Variants in ASIC2 observed in about 807,000 individuals in gnomAD.
ASIC2 encodes acid-sensing ion channel 2.
ASIC2 carries 25 observed loss-of-function variants against 57.3 expected under a neutral mutation model. The observed-to-expected ratio is 0.44, with a 90% CI of 0.32 to 0.61. ASIC2 has a LOEUF of 0.61. Ranked by LOEUF, ASIC2 falls within the 20% of genes least tolerant of loss-of-function variation. The pLI is 0.06. For missense variants in ASIC2, 641 were observed against 738.1 expected (o/e 0.87, Z 1.52); for synonymous variants, 319 against 307.5 (o/e 1.04, Z -0.39).
At chr17:33,253,084 A>G (rs1253287734) in intron 1 of ASIC2, among the ~76,000 whole-genome samples, 2 of 152,202 alleles carry the variant, frequency 1.3e-5, no homozygotes, top group Non-Finnish European at 2.9e-5. Context: ...GCTAGGTATC[A>G]TCTCAGTCAG....
intron 1 of ASIC2, among the ~76,000 whole-genome samples, chr17:34,078,465 G>A (rs985373364): frequency 3.9e-5 from 6 of 152,224 alleles, no homozygotes; most frequent in Admixed American, 1.3e-4. Flanking sequence ...CCAACCCACC[G>A]CAGAGGCACT....
At chr17:34,131,443 T>A (rs1231995092) in intron 1 of ASIC2, among the ~76,000 whole-genome samples, 1 of 152,182 alleles carries the variant, frequency 6.6e-6, no homozygotes, top group African/African-American at 2.4e-5. Context: ...GATAGCTCCC[T>A]TCCTTTGGCC....
At chr17:33,532,473 C>T (rs1158935766) in intron 1 of ASIC2, among the ~76,000 whole-genome samples, 1 of 152,220 alleles carries the variant, frequency 6.6e-6, no homozygotes, top group Non-Finnish European at 1.5e-5. Flanking sequence ...CTATGATGGG[C>T]CACTAGAAGA....
intron 1 of ASIC2, among the ~76,000 whole-genome samples, chr17:33,413,232 T>G (rs1910725607): frequency 1.3e-5 from 2 of 152,232 alleles, no homozygotes; most frequent in South Asian, 4.1e-4. Context: ...ATCCGAGACT[T>G]GAAAGCCTCA....
intron 1 of ASIC2, among the ~76,000 whole-genome samples, chr17:34,021,827 G>GTTT (rs1567790840): frequency 7.9e-6 from 1 of 127,324 alleles, no homozygotes; most frequent in African/African-American, 3.8e-5. Context: ...TTGGTTTTGT[G>GTTT]TTTTGTTTTG....
intron 1 of ASIC2, among the ~76,000 whole-genome samples, chr17:33,142,615 G>A (rs533863716): frequency 6.6e-6 from 1 of 152,146 alleles, no homozygotes; most frequent in African/African-American, 2.4e-5. Flanking sequence ...CTGGTATGGG[G>A]CTCTGGGGCA....
intron 1 of ASIC2, among the ~76,000 whole-genome samples, chr17:33,325,358 C>A (rs1013640854): frequency 6.6e-6 from 1 of 152,082 alleles, no homozygotes; most frequent in Admixed American, 6.6e-5. Flanking sequence ...AAAGATGGTA[C>A]CTGCAGGCTG....
intron 1 of ASIC2, among the ~76,000 whole-genome samples, chr17:33,528,829 A>G (rs535932819): frequency 6.6e-6 from 1 of 152,196 alleles, no homozygotes; most frequent in Non-Finnish European, 1.5e-5. Context: ...GTCCAATACC[A>G]GCAACTCGTC....
In ASIC2 at chr17:33,714,985, T is replaced by TTTTTTATTATTATTATTA. The variant is rs377651164; in HGVS notation, c.555+440992_555+440993insTAATAATAATAATAAAAA. ...GGCTCATGCCACCATGCCAGGCTAA[T>TTTTTTATTATTATTATTA]TTATTATTATTATTATTATTATTAT... On this transcript the variant is annotated intron_variant, in intron 1 of 9. Transcript: ENST00000359872. Among the ~76,000 whole-genome samples, 647 of 142,204 alleles carry TTTTTTATTATTATTATTA rather than the reference T, an allele frequency of 4.5e-3. 7 individuals are homozygous for TTTTTTATTATTATTATTA. The highest frequency in any genetic ancestry group is 0.017 in the African/African-American group (626 of 37,532). 93.3% of individuals were successfully genotyped at this position (142,204 alleles called of 152,430 possible).
intron 1 of ASIC2, among the ~76,000 whole-genome samples, chr17:33,897,381 C>A (rs1042265251): frequency 1.3e-5 from 2 of 152,208 alleles, no homozygotes; most frequent in African/African-American, 4.8e-5. Context: ...GGCATCCCAC[C>A]CCATTGCACT....
At chr17:34,095,702 G>A (rs1185532671) in intron 1 of ASIC2, among the ~76,000 whole-genome samples, 3 of 129,340 alleles carry the variant, frequency 2.3e-5, no homozygotes, top group South Asian at 4.9e-4. Flanking sequence ...TTTATATAGA[G>A]ATATATAATT....
At chr17:33,937,282 G>C (rs1916087780) in intron 1 of ASIC2, among the ~76,000 whole-genome samples, 1 of 152,098 alleles carries the variant, frequency 6.6e-6, no homozygotes, top group African/African-American at 2.4e-5. Flanking sequence ...TTGTATTTTT[G>C]ATAGAGATGG....
chr17:33,417,657 C>G (rs927518544), intron 1 of ASIC2, among the ~76,000 whole-genome samples: 4 of 152,162 alleles, frequency 2.6e-5, no homozygotes, highest in African/African-American at 9.7e-5. Context: ...CTTTGCCATG[C>G]TGGTTGTTGA....
intron 3 of ASIC2, among the ~76,000 whole-genome samples, chr17:33,082,684 G>A (rs924842529): frequency 6.7e-6 from 1 of 150,356 alleles, no homozygotes; most frequent in Admixed American, 6.7e-5. Context: ...GGGCGACAGA[G>A]TGAGACTCTG....
At chr17:33,018,799 G>A (rs995587367) in intron 7 of ASIC2, among the ~76,000 whole-genome samples, 6 of 107,038 alleles carry the variant, frequency 5.6e-5, no homozygotes, top group African/African-American at 1.9e-4. Flanking sequence ...AAGACTCTCA[G>A]TCTCTGGAAA....
chr17:33,173,333 C>T (rs965119243), intron 1 of ASIC2, among the ~76,000 whole-genome samples: 2 of 152,128 alleles, frequency 1.3e-5, no homozygotes, highest in Non-Finnish European at 2.9e-5. Context: ...CACAGCCTGA[C>T]TGACTTGAGG....
chr17:33,107,871 G>C (rs978622934), intron 2 of ASIC2, among the ~76,000 whole-genome samples: 5 of 152,328 alleles, frequency 3.3e-5, no homozygotes, highest in African/African-American at 1.2e-4. Context: ...CATCCACAAG[G>C]CAAGGCAAAA....
At chr17:34,130,505 G>A (rs1911919798) in intron 1 of ASIC2, among the ~76,000 whole-genome samples, 1 of 152,228 alleles carries the variant, frequency 6.6e-6, no homozygotes, top group African/African-American at 2.4e-5. Context: ...TGTCCCAGGT[G>A]TTGTCTGGAC....
At chr17:33,729,440 G>A (rs896990400) in intron 1 of ASIC2, among the ~76,000 whole-genome samples, 3 of 152,176 alleles carry the variant, frequency 2.0e-5, no homozygotes, top group African/African-American at 7.2e-5. Context: ...TTTGACATGA[G>A]ATCTGGAGGG....
Sources: gnomAD v4.1 joint callset for allele counts (sites outside exome capture counted in the v4.1 genomes callset) on GRCh38, gnomAD v4.1.1 for gene constraint, MANE v1.5 for transcripts, NCBI Gene and HGNC (gene_info 2026-07-23, HGNC 2026-07-21) for gene names.